Variants in TSHZ2 observed in about 807,000 individuals in gnomAD.
The protein encoded by TSHZ2 is teashirt zinc finger homeobox 2.
In TSHZ2, 21 loss-of-function variants were observed where a neutral mutation model predicts 74.4. The observed-to-expected ratio is 0.28, with a 90% CI of 0.20 to 0.41. The LOEUF is 0.41. Among genes scored for constraint, TSHZ2 ranks in the 10% least tolerant of loss-of-function variants. TSHZ2 has a pLI of 1.00. For synonymous variants in TSHZ2, 540 were observed against 515.3 expected (o/e 1.05, Z -0.65); for missense variants, 1,244 against 1,293.5 (o/e 0.96, Z 0.59).
chr20:53,247,615 G>A (rs777059152), intron 1 of TSHZ2, among the ~76,000 whole-genome samples: 8 of 152,252 alleles, frequency 5.3e-5, no homozygotes, highest in Non-Finnish European at 7.4e-5. Context: ...CTCTCATTCC[G>A]AGTCATCATT....
At chr20:53,324,629 G>T (rs1320633594) in intron 2 of TSHZ2, among the ~76,000 whole-genome samples, 2 of 152,266 alleles carry the variant, frequency 1.3e-5, no homozygotes, top group African/African-American at 2.4e-5. Flanking sequence ...ACCCACCTCA[G>T]CCTCCCAAAG....
intron 2 of TSHZ2, among the ~76,000 whole-genome samples, chr20:53,463,370 C>CAGAG (rs1049370954): frequency 6.0e-5 from 6 of 99,518 alleles, no homozygotes; most frequent in Admixed American, 5.3e-4. Flanking sequence ...TCTTGAAAGA[C>CAGAG]AGAGAGAGAG....
At chr20:53,160,871 T>G (rs1278653155) in intron 1 of TSHZ2, among the ~76,000 whole-genome samples, 1 of 151,986 alleles carries the variant, frequency 6.6e-6, no homozygotes. Context: ...TACATCTTCA[T>G]CTATATATTC....
chr20:53,062,340 G>A (rs1013667768), intron 1 of TSHZ2, among the ~76,000 whole-genome samples: 6 of 152,100 alleles, frequency 3.9e-5, no homozygotes, highest in South Asian at 2.1e-4. Context: ...GGAGGTTTTC[G>A]AGCACAAAAC....
chr20:53,249,332 T>C (rs761458512), intron 1 of TSHZ2, among the ~76,000 whole-genome samples: 1 of 152,164 alleles, frequency 6.6e-6, no homozygotes, highest in Non-Finnish European at 1.5e-5. Context: ...CTCAAATAGT[T>C]TGTGGACATC....
intron 1 of TSHZ2, among the ~76,000 whole-genome samples, chr20:53,205,745 T>G (rs1989152102): frequency 6.6e-6 from 1 of 152,180 alleles, no homozygotes; most frequent in African/African-American, 2.4e-5. Context: ...CTGCTCCCTC[T>G]CAATGCCTTC....
At chr20:53,472,359 G>A (rs1027994597) in intron 2 of TSHZ2, among the ~76,000 whole-genome samples, 1 of 152,172 alleles carries the variant, frequency 6.6e-6, no homozygotes, top group Non-Finnish European at 1.5e-5. Flanking sequence ...GGATGCGAGG[G>A]AGGAGTGAGG....
At chr20:53,001,860 T>C (rs2122964717) in intron 1 of TSHZ2, among the ~76,000 whole-genome samples, 1 of 152,236 alleles carries the variant, frequency 6.6e-6, no homozygotes, top group East Asian at 1.9e-4. Flanking sequence ...AGAAGGCTTG[T>C]CTAGAACGGA....
chr20:53,080,751 C>T (rs892680883), intron 1 of TSHZ2, among the ~76,000 whole-genome samples: 1 of 152,184 alleles, frequency 6.6e-6, no homozygotes, highest in African/African-American at 2.4e-5. Context: ...TGGTTCCTAA[C>T]AGGCCACGGA....
chr20:53,291,210 G>A (rs1409995727), intron 2 of TSHZ2, among the ~76,000 whole-genome samples: 1 of 152,126 alleles, frequency 6.6e-6, no homozygotes, highest in Non-Finnish European at 1.5e-5. Context: ...GGTGGCTCAC[G>A]CCTGTAATCC....
At chr20:53,035,052 G>A (rs1465409210) in intron 1 of TSHZ2, among the ~76,000 whole-genome samples, 1 of 152,156 alleles carries the variant, frequency 6.6e-6, no homozygotes, top group African/African-American at 2.4e-5. Flanking sequence ...GCAGTGGTGA[G>A]GGAGGCATGA....
At chr20:53,403,376 T>G (rs747791693) in intron 2 of TSHZ2, among the ~76,000 whole-genome samples, 1 of 152,252 alleles carries the variant, frequency 6.6e-6, no homozygotes, top group Admixed American at 6.5e-5. Context: ...CAACTCCTGA[T>G]GTCCACTTTA....
intron 2 of TSHZ2, among the ~76,000 whole-genome samples, chr20:53,332,508 T>C (rs1302314082): frequency 6.6e-6 from 1 of 151,938 alleles, no homozygotes; most frequent in Non-Finnish European, 1.5e-5. Flanking sequence ...CTGTGGGGGA[T>C]GAGGAGAACC....
At chr20:53,376,524 G>T (rs1175438064) in intron 2 of TSHZ2, among the ~76,000 whole-genome samples, 2 of 152,186 alleles carry the variant, frequency 1.3e-5, no homozygotes, top group African/African-American at 4.8e-5. Flanking sequence ...TAATTTATTA[G>T]TATCTCTCAC....
chr20:52,994,717 C>G (rs1167381359), intron 1 of TSHZ2, among the ~76,000 whole-genome samples: 1 of 152,150 alleles, frequency 6.6e-6, no homozygotes, highest in Non-Finnish European at 1.5e-5. Flanking sequence ...GTGAAGTTCT[C>G]CAGATTTTTC....
chr20:53,010,196 G>A (rs2252853), intron 1 of TSHZ2, among the ~76,000 whole-genome samples: 44,005 of 151,976 alleles, frequency 0.29, 7,737 homozygotes, highest in Non-Finnish European at 0.41. Context: ...CAGGAATCTG[G>A]ATTCCTAACT....
At position 53,260,848 on chromosome 20, in the gene TSHZ2, G is replaced by A. The variant is rs1438415000; in HGVS notation, c.*8+4277G>A. Among the ~76,000 whole-genome samples the A allele has an allele frequency of 3.9e-5, 6 of 152,280 alleles. No individual in the cohort carries two copies. The East Asian group carries it at 5.8e-4, about 15-fold the overall frequency. On this transcript the variant is annotated intron_variant, in intron 2 of 2. Coordinates refer to ENST00000371497, the MANE Select transcript of TSHZ2 (RefSeq NM_173485.6). Reference sequence around the variant, plus strand: ...CATGCTCTGTAGCCTCACCTGCAGCGTAGAGAACTTGCAGCAACTTCTCAA... The same window carrying A: ...CATGCTCTGTAGCCTCACCTGCAGCATAGAGAACTTGCAGCAACTTCTCAA...
At chr20:53,291,080 G>A (rs1991268688) in intron 2 of TSHZ2, among the ~76,000 whole-genome samples, 1 of 152,144 alleles carries the variant, frequency 6.6e-6, no homozygotes, top group African/African-American at 2.4e-5. Context: ...AGGGGAGAAA[G>A]CCATATTCCC....
rs192188612 is a variant in TSHZ2 at position 53,112,297 on chromosome 20, A to G, written c.40+138964A>G. The stretch of plus-strand genomic sequence containing the variant: ...CAGTTAACAAAACACAAATTCACAG[A>G]TAAAATTATTAAGAAGTTCTTCAAG... On this transcript the variant is annotated intron_variant, in intron 1 of 2. Transcript: ENST00000371497. Among the ~76,000 whole-genome samples, 687 of 152,282 alleles carry G rather than the reference A, an allele frequency of 4.5e-3. 3 individuals are homozygous for G. Among genetic ancestry groups the G allele is most frequent in the Non-Finnish European group, 6.0e-3 (411 of 68,024 alleles).
Sources: gnomAD v4.1 joint callset for allele counts (sites outside exome capture counted in the v4.1 genomes callset) on GRCh38, gnomAD v4.1.1 for gene constraint, MANE v1.5 for transcripts, NCBI Gene and HGNC (gene_info 2026-07-23, HGNC 2026-07-21) for gene names.